The following PEPD variants were observed in gnomAD, a reference collection of about 807,000 sequenced individuals.
PEPD encodes the protein xaa-Pro dipeptidase.
Under a neutral mutation model 60.7 loss-of-function variants are expected in PEPD, and 53 were observed. That is an observed-to-expected ratio of 0.87 (90% CI 0.70 to 1.10). The LOEUF is 1.10. Ranked by LOEUF, PEPD falls within the 50% of genes least tolerant of loss-of-function variation. The pLI, the probability that PEPD is intolerant of heterozygous loss-of-function variation, is 0.00. For missense variants in PEPD, 711 were observed against 711.9 expected, an observed-to-expected ratio of 1.00 and a Z score of 0.01; for synonymous variants, 267 against 284.1, an observed-to-expected ratio of 0.94 and a Z score of 0.60.
At chr19:33,510,241 T>C (rs963557735) in intron 3 of PEPD, among the ~76,000 whole-genome samples, 2 of 151,912 alleles carry the variant, frequency 1.3e-5, no homozygotes, top group African/African-American at 2.4e-5. Context: ...TGGTCTCGAG[T>C]TGAATTAGAG....
intron 9 of PEPD, among the ~76,000 whole-genome samples, chr19:33,432,563 G>GA (rs1314162723): frequency 1.3e-5 from 2 of 152,138 alleles, no homozygotes; most frequent in East Asian, 1.9e-4. Flanking sequence ...GCTCTCACTG[G>GA]AAAAAAACAT....
intron 9 of PEPD, among the ~76,000 whole-genome samples, chr19:33,437,427 A>G (rs1431208015): frequency 1.3e-5 from 2 of 151,588 alleles, no homozygotes; most frequent in African/African-American, 4.9e-5. Flanking sequence ...AGGGGTTCAG[A>G]TGGATTTTGT....
chr19:33,510,936 C>A, intron 3 of PEPD, 92 bp downstream of exon 3: 1 of 1,389,294 alleles, frequency 7.2e-7, no homozygotes, highest in Non-Finnish European at 9.9e-7. Flanking sequence ...CTCCCCGTCC[C>A]CAGGCCCAAC....
At chr19:33,487,637 G>A (rs1970420745) in intron 6 of PEPD, among the ~76,000 whole-genome samples, 1 of 152,202 alleles carries the variant, frequency 6.6e-6, no homozygotes, top group Non-Finnish European at 1.5e-5. Context: ...TGAGGGGCCG[G>A]GTGAGCACCC....
At chr19:33,475,008 G>A (rs1970190436) in intron 7 of PEPD, among the ~76,000 whole-genome samples, 1 of 151,360 alleles carries the variant, frequency 6.6e-6, no homozygotes, top group Non-Finnish European at 1.5e-5. Context: ...AGACATGCCA[G>A]TCCTTCACTT....
chr19:33,396,583 C>T (rs1056269005), intron 12 of PEPD, among the ~76,000 whole-genome samples: 2 of 152,112 alleles, frequency 1.3e-5, no homozygotes, highest in African/African-American at 4.8e-5. Flanking sequence ...CACAAAAGAG[C>T]TCATGAATCG....
chr19:33,434,749 G>A (rs765099819), intron 9 of PEPD, among the ~76,000 whole-genome samples: 3 of 152,142 alleles, frequency 2.0e-5, no homozygotes, highest in Admixed American at 1.3e-4. Flanking sequence ...GAAAGGTCAC[G>A]CCCTTTGGGT....
chr19:33,510,970 C>CA, intron 3 of PEPD, 58 bp downstream of exon 3: 1 of 1,577,038 alleles, frequency 6.3e-7, no homozygotes, highest in Non-Finnish European at 8.6e-7. Context: ...CCCACCTCCC[C>CA]TACCCACCCC....
intron 9 of PEPD, among the ~76,000 whole-genome samples, chr19:33,453,599 G>A (rs1430258645): frequency 6.6e-6 from 1 of 152,170 alleles, no homozygotes; most frequent in African/African-American, 2.4e-5. Flanking sequence ...GAGACATAAT[G>A]TTATTGCACT....
chr19:33,429,578 A>C (rs1174778888), intron 9 of PEPD, among the ~76,000 whole-genome samples: 2 of 152,250 alleles, frequency 1.3e-5, no homozygotes, highest in African/African-American at 4.8e-5. Context: ...ACTGTTATTT[A>C]AAAGAAAGTC....
intron 3 of PEPD, among the ~76,000 whole-genome samples, chr19:33,506,544 A>G (rs1330490947): frequency 6.9e-6 from 1 of 145,804 alleles, no homozygotes; most frequent in Non-Finnish European, 1.5e-5. Flanking sequence ...CACCACACAC[A>G]CAGCACACAC....
At chr19:33,478,398 A>C (rs551738725) in intron 6 of PEPD, among the ~76,000 whole-genome samples, 1 of 152,220 alleles carries the variant, frequency 6.6e-6, no homozygotes, top group East Asian at 1.9e-4. Context: ...CAATAGGAGT[A>C]CCAGAAGGAA....
chr19:33,442,257 G>A (rs929623792), intron 9 of PEPD, among the ~76,000 whole-genome samples: 6 of 152,038 alleles, frequency 3.9e-5, no homozygotes, highest in Non-Finnish European at 7.4e-5. Flanking sequence ...AAAATTAGCC[G>A]GGCATGGTGG....
Position 33,481,618 on chromosome 19 carries a change from A to T in PEPD, c.504-3528T>A, listed in dbSNP as rs1600150229. Among the ~76,000 whole-genome samples the T allele has an allele frequency of 5.3e-5, 8 of 152,294 alleles. No individual in the cohort carries two copies. In the South Asian group the frequency reaches 1.7e-3, roughly 32 times the overall value. ...AAATCTAAACAGACCTTAACAAGAG[A>T]TCAAATTTGTAATAAAAAACTTCTC... On this transcript the variant is annotated intron_variant, in intron 6 of 14. Transcript: ENST00000244137.
chr19:33,456,984 C>T (rs1969813568), intron 9 of PEPD, among the ~76,000 whole-genome samples: 1 of 151,392 alleles, frequency 6.6e-6, no homozygotes, highest in Non-Finnish European at 1.5e-5. Context: ...GGCCCCAGCC[C>T]TGGTCAGAGA....
intron 9 of PEPD, among the ~76,000 whole-genome samples, chr19:33,421,022 G>A (rs1371313495): frequency 6.6e-6 from 1 of 152,256 alleles, no homozygotes; most frequent in East Asian, 1.9e-4. Context: ...TAGGTGGGCA[G>A]CAGTCCCTGG....
At chr19:33,391,773 T>A (rs2145328383) in intron 12 of PEPD, among the ~76,000 whole-genome samples, 1 of 152,312 alleles carries the variant, frequency 6.6e-6, no homozygotes, top group East Asian at 1.9e-4. Flanking sequence ...GGGTCTACTC[T>A]GTAGCCCATG....
At chr19:33,451,231 C>T (rs893894351) in intron 9 of PEPD, among the ~76,000 whole-genome samples, 9 of 152,184 alleles carry the variant, frequency 5.9e-5, no homozygotes, top group African/African-American at 1.4e-4. Flanking sequence ...CAAGAACCCT[C>T]GTGGGATAAG....
chr19:33,419,556 G>A (rs898924524), intron 9 of PEPD, among the ~76,000 whole-genome samples: 12 of 152,198 alleles, frequency 7.9e-5, no homozygotes, highest in African/African-American at 1.9e-4. Context: ...CAGGGTCTCC[G>A]ACTGCAAAGC....
Sources: gnomAD v4.1 joint callset for allele counts (sites outside exome capture counted in the v4.1 genomes callset) on GRCh38, gnomAD v4.1.1 for gene constraint, MANE v1.5 for transcripts, NCBI Gene and HGNC (gene_info 2026-07-23, HGNC 2026-07-21) for gene names.